Variants in RIMS1 observed in about 807,000 individuals in gnomAD.
RIMS1 encodes regulating synaptic membrane exocytosis protein 1.
RIMS1 carries 83 observed loss-of-function variants against 214.1 expected under a neutral mutation model. The observed-to-expected ratio is 0.39, with a 90% CI of 0.32 to 0.47. The LOEUF (loss-of-function observed/expected upper bound fraction) is 0.47. Among genes scored for constraint, RIMS1 ranks in the 20% least tolerant of loss-of-function variants. The probability of loss-of-function intolerance (pLI) is 0.99; values close to 1 mark genes in which losing one functional copy is unlikely to be tolerated. For missense variants in RIMS1, 2,050 were observed against 2,161.8 expected (o/e 0.95, Z 1.03); for synonymous variants, 793 against 786.8 (o/e 1.01, Z -0.13).
chr6:72,160,192 T>C lies in RIMS1; in HGVS notation c.472-19383T>C, dbSNP rs181212759. On this transcript the variant is annotated intron_variant, in intron 4 of 33. Coordinates refer to ENST00000521978, the MANE Select transcript of RIMS1 (RefSeq NM_014989.7). ...CATGATTTGGCTCTCTGTTTGTCTT[T>C]TGTTGGTGTATAAGAATGCTTGTGA... 9.3e-4 allele frequency among the ~76,000 whole-genome samples: 127 copies of C among 136,232 alleles called. 10 individuals carry two copies. The highest frequency in any genetic ancestry group is 3.1e-3 in the African/African-American group (123 of 39,990). The allele number at this position is 136,232 out of a possible 152,430, so 89.4% of individuals were successfully genotyped here.
At chr6:72,134,141 A>T (rs2040892943) in intron 4 of RIMS1, among the ~76,000 whole-genome samples, 1 of 152,132 alleles carries the variant, frequency 6.6e-6, no homozygotes, top group South Asian at 2.1e-4. Flanking sequence ...CAGATGTGTT[A>T]TACATTTTGG....
chr6:72,189,135 T>A (rs1180431768), intron 6 of RIMS1, among the ~76,000 whole-genome samples: 1 of 152,196 alleles, frequency 6.6e-6, no homozygotes, highest in African/African-American at 2.4e-5. Context: ...ACCTTTTGAT[T>A]CCTGGACCTG....
At chr6:72,262,410 G>T (rs2078444147) in intron 19 of RIMS1, 1 of 982,926 alleles carries the variant, frequency 1.0e-6, no homozygotes, top group Non-Finnish European at 1.2e-6. Context: ...ATTCAGCGAG[G>T]CAGATAACAT....
intron 2 of RIMS1, among the ~76,000 whole-genome samples, chr6:72,014,501 C>T (rs970934716): frequency 1.1e-4 from 16 of 152,064 alleles, no homozygotes; most frequent in Admixed American, 5.2e-4. Context: ...TTTATTTATC[C>T]GGACATCAGT....
At chr6:72,385,677 G>A (rs958395046) in intron 29 of RIMS1, among the ~76,000 whole-genome samples, 4 of 152,204 alleles carry the variant, frequency 2.6e-5, no homozygotes, top group Non-Finnish European at 5.9e-5. Flanking sequence ...TGTGCTCATT[G>A]CTGTATTACC....
chr6:72,057,498 C>CTTTTTTTTTTTTTTTTTTTTTTT (rs56115719), intron 2 of RIMS1, among the ~76,000 whole-genome samples: 4 of 126,208 alleles, frequency 3.2e-5, no homozygotes, highest in African/African-American at 5.9e-5. Context: ...CCTTCTTTTT[C>CTTTTTTTTTTTTTTTTTTTTTTT]TTTTTTTTTT....
chr6:72,236,074 A>T (rs536917804), intron 8 of RIMS1, among the ~76,000 whole-genome samples: 33 of 152,146 alleles, frequency 2.2e-4, no homozygotes, highest in Non-Finnish European at 3.8e-4. Context: ...TGTACTTAAT[A>T]GTGCTGTCTT....
chr6:72,120,871 A>G (rs903694030), intron 4 of RIMS1, among the ~76,000 whole-genome samples: 12 of 151,842 alleles, frequency 7.9e-5, no homozygotes, highest in African/African-American at 2.4e-4. Flanking sequence ...TTCTACATAT[A>G]GCTAGCCAGT....
At chr6:72,076,869 T>C (rs887821736) in intron 2 of RIMS1, among the ~76,000 whole-genome samples, 3 of 152,178 alleles carry the variant, frequency 2.0e-5, no homozygotes, top group African/African-American at 7.2e-5. Context: ...CTGGTTTCCC[T>C]GGGAAAAACA....
chr6:72,118,079 C>A (rs1201487737), intron 4 of RIMS1, among the ~76,000 whole-genome samples: 1 of 147,826 alleles, frequency 6.8e-6, no homozygotes, highest in African/African-American at 2.4e-5. Flanking sequence ...CAATTACAAA[C>A]AAAACTGGAG....
chr6:72,062,551 G>A (rs1180817492), intron 2 of RIMS1, among the ~76,000 whole-genome samples: 4 of 152,174 alleles, frequency 2.6e-5, no homozygotes, highest in South Asian at 2.1e-4. Context: ...ATAATAGTTC[G>A]AGTTCAAGTA....
chr6:71,921,270 G>A (rs1291281431), intron 1 of RIMS1, among the ~76,000 whole-genome samples: 10 of 152,028 alleles, frequency 6.6e-5, no homozygotes, highest in Non-Finnish European at 1.0e-4. Flanking sequence ...AGAGGCACCC[G>A]CCACCATGCC....
intron 12 of RIMS1, among the ~76,000 whole-genome samples, chr6:72,248,888 A>G (rs529653113): frequency 6.6e-6 from 1 of 152,212 alleles, no homozygotes; most frequent in South Asian, 2.1e-4. Flanking sequence ...TTTTATTTTT[A>G]GTATATTGAA....
At chr6:72,184,760 T>TGG (rs35207389) in intron 6 of RIMS1, among the ~76,000 whole-genome samples, 4 of 140,740 alleles carry the variant, frequency 2.8e-5, no homozygotes, top group African/African-American at 1.0e-4. Context: ...TGCTTTATTC[T>TGG]GGGAAAAAAA....
intron 6 of RIMS1, among the ~76,000 whole-genome samples, chr6:72,186,961 T>C (rs1262499005): frequency 6.6e-6 from 1 of 152,086 alleles, no homozygotes; most frequent in South Asian, 2.1e-4. Flanking sequence ...TGAAACCCCA[T>C]CTCTACTAAA....
intron 6 of RIMS1, among the ~76,000 whole-genome samples, chr6:72,218,961 A>G (rs1355174716): frequency 2.0e-5 from 3 of 152,170 alleles, no homozygotes; most frequent in African/African-American, 7.2e-5. Flanking sequence ...CATAGTTAGG[A>G]AGATCTTCAA....
chr6:72,134,223 A>G (rs1412219379), intron 4 of RIMS1, among the ~76,000 whole-genome samples: 1 of 152,102 alleles, frequency 6.6e-6, no homozygotes, highest in African/African-American at 2.4e-5. Flanking sequence ...CTGGTTGTTT[A>G]TAGGGTAATG....
At chr6:72,104,163 A>AT (rs1324300431) in intron 4 of RIMS1, among the ~76,000 whole-genome samples, 1 of 152,154 alleles carries the variant, frequency 6.6e-6, no homozygotes, top group African/African-American at 2.4e-5. Context: ...TGGACTAACT[A>AT]TCCCTAGGAT....
chr6:72,131,181 A>C (rs2040370890), intron 4 of RIMS1, among the ~76,000 whole-genome samples: 1 of 152,180 alleles, frequency 6.6e-6, no homozygotes, highest in South Asian at 2.1e-4. Flanking sequence ...ATTCTTCAAC[A>C]TTAAGAGAGT....
Sources: allele counts gnomAD v4.1 joint callset (sites outside exome capture counted in the v4.1 genomes callset), GRCh38; gene constraint gnomAD v4.1.1; transcripts MANE v1.5; gene names NCBI Gene and HGNC (gene_info 2026-07-23, HGNC 2026-07-21).